The following PLPPR1 variants were observed in gnomAD, a reference collection of about 807,000 sequenced individuals.
PLPPR1 encodes phospholipid phosphatase-related protein type 1.
In PLPPR1, 10 loss-of-function variants were observed where a neutral mutation model predicts 33.1. The ratio of observed to expected loss-of-function variants is 0.30; its 90% CI spans 0.19 to 0.51. PLPPR1 has a LOEUF of 0.51. PLPPR1 is among the 20% of genes least tolerant of loss of function. PLPPR1 has a pLI of 0.97. For missense variants in PLPPR1, 304 were observed against 408.1 expected (o/e 0.74, Z 2.20); for synonymous variants, 151 against 151.0 (o/e 1.00, Z 0.00).
intron 1 of PLPPR1, among the ~76,000 whole-genome samples, chr9:101,036,358 G>A (rs1301252348): frequency 4.6e-5 from 7 of 152,016 alleles, no homozygotes; most frequent in Admixed American, 1.3e-4. Flanking sequence ...GTCAATAAAC[G>A]TTATATTCAC....
At chr9:101,093,666 G>T (rs971296533) in intron 1 of PLPPR1, among the ~76,000 whole-genome samples, 2 of 152,128 alleles carry the variant, frequency 1.3e-5, no homozygotes, top group African/African-American at 4.8e-5. Context: ...ACATGTAAGT[G>T]CATCACTACT....
chr9:101,316,386 G>A (rs752159314), intron 6 of PLPPR1, among the ~76,000 whole-genome samples: 42 of 151,712 alleles, frequency 2.8e-4, no homozygotes, highest in Non-Finnish European at 5.0e-4. Context: ...GCAGTGAGCC[G>A]AGATCGTACG....
chr9:101,163,192 T>C (rs1168311264), intron 1 of PLPPR1, among the ~76,000 whole-genome samples: 2 of 152,190 alleles, frequency 1.3e-5, no homozygotes, highest in East Asian at 1.9e-4. Context: ...TCCCTTCTTA[T>C]TGAACAGAAT....
chr9:101,163,761 G>A (rs1269118876), intron 1 of PLPPR1, among the ~76,000 whole-genome samples: 1 of 152,150 alleles, frequency 6.6e-6, no homozygotes, highest in Non-Finnish European at 1.5e-5. Flanking sequence ...TATAGATAGT[G>A]GCACGGTCAG....
chr9:101,126,086 G>A (rs1428533047), intron 1 of PLPPR1, among the ~76,000 whole-genome samples: 6 of 152,152 alleles, frequency 3.9e-5, no homozygotes, highest in Admixed American at 1.3e-4. Context: ...TCCAACAGCA[G>A]GTCTACTGTA....
intron 1 of PLPPR1, among the ~76,000 whole-genome samples, chr9:101,120,357 G>A (rs1227875801): frequency 1.3e-5 from 2 of 152,128 alleles, no homozygotes; most frequent in Non-Finnish European, 2.9e-5. Flanking sequence ...GATAACATTT[G>A]GATGTCCACA....
At chr9:101,239,487 T>C (rs1827406677) in intron 2 of PLPPR1, among the ~76,000 whole-genome samples, 1 of 151,972 alleles carries the variant, frequency 6.6e-6, no homozygotes. Flanking sequence ...AACAAACCTA[T>C]ACATGTGCCC....
chr9:101,155,513 G>A (rs1242183647), intron 1 of PLPPR1, among the ~76,000 whole-genome samples: 1 of 152,076 alleles, frequency 6.6e-6, no homozygotes, highest in Non-Finnish European at 1.5e-5. Flanking sequence ...CCATTCACAA[G>A]GGCAGAGCCC....
At chr9:101,116,028 T>C (rs983394943) in intron 1 of PLPPR1, among the ~76,000 whole-genome samples, 1 of 152,220 alleles carries the variant, frequency 6.6e-6, no homozygotes, top group South Asian at 2.1e-4. Flanking sequence ...CACAAAACTT[T>C]CAAGATTCTC....
chr9:101,198,002 T>C (rs1051485259), intron 2 of PLPPR1, among the ~76,000 whole-genome samples: 2 of 152,210 alleles, frequency 1.3e-5, no homozygotes, highest in Non-Finnish European at 2.9e-5. Context: ...TATAAATAAT[T>C]ATACTCACAT....
chr9:101,226,472 T>C (rs903571944), intron 2 of PLPPR1, among the ~76,000 whole-genome samples: 2 of 152,112 alleles, frequency 1.3e-5, no homozygotes, highest in Non-Finnish European at 2.9e-5. Context: ...AGAAGTGTGT[T>C]TCTCATAGTT....
At position 101,060,123 on chromosome 9, in the gene PLPPR1, G is replaced by A. The variant is rs151078963; in HGVS notation, c.-46+31021G>A. ...GAAAATCAGTTATATATACATGATGGCCTACTATTCAGCCTTAATAAAAGA... is the reference window on the plus strand; with the variant it reads ...GAAAATCAGTTATATATACATGATGACCTACTATTCAGCCTTAATAAAAGA... On this transcript the variant is annotated intron_variant, in intron 1 of 7. Transcript: ENST00000374874. Among the ~76,000 whole-genome samples, 644 of 152,084 alleles carry A rather than the reference G, an allele frequency of 4.2e-3. 11 individuals are homozygous for A. Among genetic ancestry groups the A allele is most frequent in the Admixed American group, 0.03 (459 of 15,252 alleles).
At chr9:101,044,937 A>C (rs966287254) in intron 1 of PLPPR1, among the ~76,000 whole-genome samples, 2 of 152,220 alleles carry the variant, frequency 1.3e-5, no homozygotes, top group African/African-American at 4.8e-5. Flanking sequence ...TTTGAGGACT[A>C]TCTGAGATTA....
At chr9:101,309,501 G>A in intron 5 of PLPPR1, 40 bp downstream of exon 5, 2 of 1,599,798 alleles carry the variant, frequency 1.3e-6, no homozygotes, top group Non-Finnish European at 1.7e-6. Flanking sequence ...TCCAGTTTTT[G>A]ATAGGATGTG....
At chr9:101,086,221 A>G (rs1262879429) in intron 1 of PLPPR1, among the ~76,000 whole-genome samples, 3 of 152,166 alleles carry the variant, frequency 2.0e-5, no homozygotes, top group African/African-American at 7.2e-5. Context: ...GAGCTCTTTG[A>G]TAGCAGATAT....
At chr9:101,226,657 A>G (rs139152238) in intron 2 of PLPPR1, among the ~76,000 whole-genome samples, 2 of 152,206 alleles carry the variant, frequency 1.3e-5, no homozygotes, top group Admixed American at 1.3e-4. Flanking sequence ...GAGGGCTTCA[A>G]CCTCAAGACC....
intron 2 of PLPPR1, among the ~76,000 whole-genome samples, chr9:101,220,691 A>G (rs1826914609): frequency 6.6e-6 from 1 of 152,206 alleles, no homozygotes; most frequent in Non-Finnish European, 1.5e-5. Flanking sequence ...AAGAAGGCAC[A>G]CTTTCATGGT....
Position 101,324,040 on chromosome 9 carries a change from A to G in PLPPR1, c.961A>G (p.Met321Val), listed in dbSNP as rs772495204. The G allele has an allele frequency of 2.5e-6, 4 of 1,612,872 alleles. No homozygotes were observed. The highest frequency in any genetic ancestry group is 3.4e-6 in the Non-Finnish European group (4 of 1,179,068). The change falls in exon 8 of 8, where the codon ATG becomes GTG. Residue 321 changes from methionine (M) to valine (V), a missense_variant. Transcript: ENST00000374874. ...TLSAQNHSAS[M>V]TEVT The stretch of plus-strand genomic sequence containing the variant: ...TGCTCCACAGAATCACTCTGCGTCC[A>G]TGACCGAAGTTACCTGAGACGACTG...
intron 1 of PLPPR1, among the ~76,000 whole-genome samples, chr9:101,127,048 AG>A (rs34195026): frequency 0.47 from 71,276 of 152,060 alleles, 17,164 homozygotes; most frequent in Non-Finnish European, 0.53. Flanking sequence ...AGAAATTCTA[AG>A]TACTAACTTT....
Sources: gnomAD v4.1 joint callset for allele counts (sites outside exome capture counted in the v4.1 genomes callset) on GRCh38, gnomAD v4.1.1 for gene constraint, MANE v1.5 for transcripts, NCBI Gene and HGNC (gene_info 2026-07-23, HGNC 2026-07-21) for gene names.